The following LAMB4 variants were observed in gnomAD, a reference collection of about 807,000 sequenced individuals.
LAMB4 encodes laminin subunit beta 4, also known as laminin subunit beta-4.
Under a neutral mutation model 199.2 loss-of-function variants are expected in LAMB4, and 196 were observed. The observed-to-expected ratio is 0.98, with a 90% CI of 0.88 to 1.11. The LOEUF is 1.11. Among genes scored for constraint, LAMB4 ranks in the 50% least tolerant of loss-of-function variants. The pLI is 0.00. For missense variants in LAMB4, 2,080 were observed against 2,171.2 expected, an observed-to-expected ratio of 0.96 and a Z score of 0.83; for synonymous variants, 744 against 770.6, an observed-to-expected ratio of 0.97 and a Z score of 0.57.
chr7:108,114,917 G>C (rs73426890), intron 3 of LAMB4, among the ~76,000 whole-genome samples: 6,373 of 152,250 alleles, frequency 0.042, 450 homozygotes, highest in African/African-American at 0.14. Flanking sequence ...AAGGGGAAAA[G>C]GCACAAAACT....
rs2036037958 is a variant in LAMB4, at chr7:108,057,928, G to A, written c.3283C>T (p.Leu1095Phe). ...RTSQSSHCDQ[L>F]TGQCPCKLGY... ...AATTTACACGGACACTGGCCTGTAA[G>A]CTGTGAGAACAGTCATGGGTGAGGA... Residue 1095 changes from leucine (L) to phenylalanine (F), a missense_variant and splice_region_variant, in exon 24 of 34, where the codon CTT becomes TTT. Coordinates refer to ENST00000388781, the MANE Select transcript of LAMB4 (RefSeq NM_007356.3). 4 of 1,608,980 alleles carry A rather than the reference G, an allele frequency of 2.5e-6. No homozygotes were observed. The highest frequency in any genetic ancestry group is 3.4e-6 in the Non-Finnish European group (4 of 1,175,266).
intron 17 of LAMB4, among the ~76,000 whole-genome samples, chr7:108,071,456 G>T (rs1471035210): frequency 6.6e-6 from 1 of 152,102 alleles, no homozygotes; most frequent in Admixed American, 6.6e-5. Context: ...GTCAGTCGTG[G>T]GCTCCAGATC....
chr7:108,079,511 G>C, intron 15 of LAMB4, 90 bp downstream of exon 15: 1 of 1,080,654 alleles, frequency 9.3e-7, no homozygotes, highest in Non-Finnish European at 1.3e-6. Flanking sequence ...CTTTTCTGAT[G>C]AACCTATTCT....
In LAMB4 at chr7:108,045,740, T is replaced by C. The variant is rs115257313; in HGVS notation, c.4327-1844A>G. Among the ~76,000 whole-genome samples the C allele has an allele frequency of 5.2e-3, 787 of 152,334 alleles. 2 individuals are homozygous for C. Among genetic ancestry groups the C allele is most frequent in the African/African-American group, 0.018 (751 of 41,572 alleles). On this transcript the variant is annotated intron_variant, in intron 28 of 33. Transcript: ENST00000388781. ...TTACATTGCTATGTTTGCTGCTGTA[T>C]TCTCAACTTGTAGATGGATGCCTGG...
Position 108,079,732 on chromosome 7 carries a change from C to T in LAMB4, c.1756G>A (p.Val586Ile), listed in dbSNP as rs1446154436. The T allele has an allele frequency of 6.2e-7, 1 of 1,610,382 alleles. No homozygotes were observed. Among genetic ancestry groups the T allele is most frequent in the South Asian group, 1.1e-5 (1 of 89,998 alleles). The change falls in exon 15 of 34, where the codon GTT (valine) becomes ATT (isoleucine). Residue 586 changes from valine to isoleucine, a missense_variant. Val to Ile is a conservative substitution (Grantham distance 29). Transcript: ENST00000388781. ...GTCCATGTAACAGGGTTCCCAGGAACTGGCTCTCCTAAAACAACGTGAACA... is the reference window on the plus strand; with the variant it reads ...GTCCATGTAACAGGGTTCCCAGGAATTGGCTCTCCTAAAACAACGTGAACA... ...PAVHVVLGEP[V>I]PGNPVTWTGP...
At chr7:108,054,066 A>C (rs985294111) in intron 25 of LAMB4, among the ~76,000 whole-genome samples, 11 of 152,200 alleles carry the variant, frequency 7.2e-5, no homozygotes, top group African/African-American at 2.7e-4. Flanking sequence ...TCTATCATCC[A>C]GACTGGAGTG....
rs761310226 is a variant in LAMB4 at position 108,123,154 on chromosome 7, T to C, written c.11A>G (p.Gln4Arg). 1.9e-6 allele frequency: 3 copies of C among 1,611,020 alleles called. No individual in the cohort carries two copies. The African/African-American group carries it at 4.0e-5, about 22-fold the overall frequency. ...ACCAAGGTGCAAAAAAAGGGTCAGTTGAAATTGCATTCTTTTGTCAGGAGA... is the reference window on the plus strand; with the variant it reads ...ACCAAGGTGCAAAAAAAGGGTCAGTCGAAATTGCATTCTTTTGTCAGGAGA... Reference protein sequence around the residue: MQFQLTLFLHLGWL... With the variant: MQFRLTLFLHLGWL... Residue 4 changes from glutamine (Q) to arginine (R), a missense_variant, in exon 2 of 34, where the codon CAA (glutamine) becomes CGA (arginine). Gln to Arg is a conservative substitution (Grantham distance 43). Coordinates refer to ENST00000388781, the MANE Select transcript of LAMB4 (RefSeq NM_007356.3).
chr7:108,037,371 A>C lies in LAMB4; in HGVS notation c.4679+17T>G. On this transcript the variant is annotated intron_variant, in intron 30 of 33. Coordinates refer to ENST00000388781, the MANE Select transcript of LAMB4 (RefSeq NM_007356.3). The stretch of plus-strand genomic sequence containing the variant: ...TGGTCTGTTAGAGCAAGATAAGAAT[A>C]TTAATACAGTACTTACTCAGCTGCT... 1 of 1,591,084 alleles carries C rather than the reference A, an allele frequency of 6.3e-7. No individual in the cohort carries two copies. The highest frequency in any genetic ancestry group is 8.6e-7 in the Non-Finnish European group (1 of 1,159,702).
downstream of LAMB4, among the ~76,000 whole-genome samples, chr7:108,022,538 G>T (rs1340675876): frequency 6.6e-6 from 1 of 152,134 alleles, no homozygotes; most frequent in Admixed American, 6.6e-5. Flanking sequence ...AAGTTAGAAT[G>T]ATTTATCTGG....
intron 31 of LAMB4, among the ~76,000 whole-genome samples, chr7:108,032,518 T>C (rs1300075660): frequency 6.6e-6 from 1 of 152,190 alleles, no homozygotes; most frequent in Non-Finnish European, 1.5e-5. Flanking sequence ...GCCAGGCATC[T>C]GGGAGCCCTA....
the LAMB4 span, among the ~76,000 whole-genome samples, chr7:108,012,829 C>T: frequency 6.6e-6 from 1 of 152,218 alleles, no homozygotes; most frequent in Middle Eastern, 3.4e-3. Flanking sequence ...TTGCAAAAAC[C>T]AAACCCAATT....
chr7:108,046,097 C>T (rs1437253339), intron 28 of LAMB4, among the ~76,000 whole-genome samples: 1 of 151,882 alleles, frequency 6.6e-6, no homozygotes, highest in African/African-American at 2.4e-5. Flanking sequence ...AACGAGGTCT[C>T]ACTGTTGTCG....
intron 12 of LAMB4, 91 bp downstream of exon 12, chr7:108,095,137 G>T: frequency 2.3e-6 from 2 of 877,990 alleles, no homozygotes; most frequent in Non-Finnish European, 3.6e-6. Context: ...AATAGGACAA[G>T]AAAGAGATTA....
At chr7:108,116,977 T>A (rs188915347) in intron 2 of LAMB4, among the ~76,000 whole-genome samples, 2 of 152,288 alleles carry the variant, frequency 1.3e-5, no homozygotes, top group African/African-American at 4.8e-5. Flanking sequence ...TTCAAGTCTA[T>A]AGTGAGCTAT....
At chr7:108,123,084 T>C in intron 2 of LAMB4, 47 bp downstream of exon 2, 1 of 1,535,584 alleles carries the variant, frequency 6.5e-7, no homozygotes, top group Non-Finnish European at 8.9e-7. Context: ...CATTAAATAT[T>C]TTAGGACAGC....
chr7:108,074,119 CT>C (rs1053197696), intron 17 of LAMB4, among the ~76,000 whole-genome samples: 1 of 152,160 alleles, frequency 6.6e-6, no homozygotes, highest in African/African-American at 2.4e-5. Flanking sequence ...GTTCCTTCCC[CT>C]GTCCTCCCCT....
chr7:108,107,773 C>T lies in LAMB4; in HGVS notation c.449G>A (p.Gly150Glu), dbSNP rs376689524. 7 of 1,611,526 alleles carry T rather than the reference C, an allele frequency of 4.3e-6. No homozygotes were observed. The highest frequency in any genetic ancestry group is 1.3e-5 in the African/African-American group (1 of 74,726). ...ATATTTGAACACTTTCCAGTTGTGT[C>T]CATAGTCTGTGGAACGTTCAACTAA... ...AMLVERSTDY[G>E]HNWKVFKYFA... The change falls in exon 6 of 34, where the codon GGA becomes GAA. Residue 150 changes from glycine (G) to glutamate (E), a missense_variant. By Grantham distance (98) the Gly-to-Glu change is moderately conservative. Transcript: ENST00000388781.
At position 108,057,932 on chromosome 7, in the gene LAMB4, TGAGAACAGTCATGGGTGAG is replaced by T. The variant is rs778966909; in HGVS notation, c.3283-23_3283-5del. The T allele has an allele frequency of 1.2e-6, 2 of 1,605,546 alleles. No homozygotes were observed. The highest frequency in any genetic ancestry group is 1.7e-6 in the Non-Finnish European group (2 of 1,172,236). ...TACACGGACACTGGCCTGTAAGCTG[TGAGAACAGTCATGGGTGAG>T]GAATTGACAAGTTTTATGGTCTAAA... On this transcript the variant is annotated splice_region_variant and splice_polypyrimidine_tract_variant and intron_variant, in intron 23 of 33. Coordinates refer to ENST00000388781, the MANE Select transcript of LAMB4 (RefSeq NM_007356.3).
rs148425214 is a variant in LAMB4, at chr7:108,033,925, A to G, written c.4818+283T>C. ...ATATCTACCACTAATTAGCTGTGTG[A>G]CCTTAGGCAGTCACCTAACTTTCCT... On this transcript the variant is annotated intron_variant, in intron 31 of 33. Coordinates refer to ENST00000388781, the MANE Select transcript of LAMB4 (RefSeq NM_007356.3). Among the ~76,000 whole-genome samples the G allele has an allele frequency of 5.9e-5, 9 of 152,052 alleles. No homozygotes were observed. In the East Asian group the frequency reaches 1.7e-3, roughly 29 times the overall value.
Sources: gnomAD v4.1 joint callset for allele counts (sites outside exome capture counted in the v4.1 genomes callset) on GRCh38, gnomAD v4.1.1 for gene constraint, MANE v1.5 for transcripts, NCBI Gene and HGNC (gene_info 2026-07-23, HGNC 2026-07-21) for gene names.